Variants in PCDHA10 observed in about 807,000 individuals in gnomAD.
PCDHA10 encodes protocadherin alpha-10.
In PCDHA10, 45 loss-of-function variants were observed where a neutral mutation model predicts 61.2. That is an observed-to-expected ratio of 0.74 (90% confidence interval 0.58 to 0.94). The LOEUF is 0.94. Ranked by LOEUF, PCDHA10 falls within the 40% of genes least tolerant of loss-of-function variation. The pLI, the probability that PCDHA10 is intolerant of heterozygous loss-of-function variation, is 0.00. For synonymous variants in PCDHA10, 602 were observed against 548.8 expected (o/e 1.10, Z -1.35); for missense variants, 1,278 against 1,236.2 (o/e 1.03, Z -0.51).
At chr5:140,859,740 G>A (rs2045997689) in intron 1 of PCDHA10, 1 of 154,064 alleles carries the variant, frequency 6.5e-6, no homozygotes. Flanking sequence ...ATTTAAGCAT[G>A]GCATTCTTTC....
chr5:140,951,183 G>A (rs1554219780), intron 1 of PCDHA10, among the ~76,000 whole-genome samples: 3 of 151,518 alleles, frequency 2.0e-5, no homozygotes, highest in Admixed American at 6.6e-5. Flanking sequence ...GTCATTGTCC[G>A]CTAATTCCCA....
At chr5:140,919,358 T>C (rs2153553560) in intron 1 of PCDHA10, among the ~76,000 whole-genome samples, 1 of 152,356 alleles carries the variant, frequency 6.6e-6, no homozygotes, top group East Asian at 1.9e-4. Flanking sequence ...AATCTAAAAG[T>C]GTCTCCTGCA....
At position 140,856,146 on chromosome 5, in the gene PCDHA10, C is replaced by T; in HGVS notation, c.98C>T (p.Ser33Leu). ...GTGGGGAGCGGCCAGCTCCACTACT[C>T]AGTCTACGAGGAGGCCAGACACGGC... ...WEVGSGQLHY[S>L]VYEEARHGTF... Residue 33 changes from serine to leucine, a missense_variant, in exon 1 of 4, where the codon TCA becomes TTA. Ser to Leu is a moderately radical substitution (Grantham distance 145). Transcript: ENST00000307360. 1 of 1,598,308 alleles carries T rather than the reference C, an allele frequency of 6.3e-7. No homozygotes were observed. The highest frequency in any genetic ancestry group is 1.7e-4 in the Middle Eastern group (1 of 5,994).
chr5:140,966,022 T>G (rs2095958244), intron 1 of PCDHA10, among the ~76,000 whole-genome samples: 1 of 151,842 alleles, frequency 6.6e-6, no homozygotes, highest in South Asian at 2.1e-4. Flanking sequence ...GATGTGGGAG[T>G]CAGGTGAATA....
At chr5:140,875,518 C>T in intron 1 of PCDHA10, 1 of 1,614,008 alleles carries the variant, frequency 6.2e-7, no homozygotes, top group Non-Finnish European at 8.5e-7. Flanking sequence ...GCGTCTGCTG[C>T]TCTCGCTTCT....
chr5:140,991,172 G>T (rs2097436221), intron 3 of PCDHA10, among the ~76,000 whole-genome samples: 1 of 152,160 alleles, frequency 6.6e-6, no homozygotes, highest in Non-Finnish European at 1.5e-5. Flanking sequence ...CCATTGTCAA[G>T]CAGGATGCCT....
intron 1 of PCDHA10, among the ~76,000 whole-genome samples, chr5:140,897,888 G>C (rs1554187649): frequency 6.6e-6 from 1 of 152,150 alleles, no homozygotes; most frequent in Non-Finnish European, 1.5e-5. Flanking sequence ...ATTCTAACTG[G>C]TGTGAGATGG....
intron 1 of PCDHA10, chr5:140,866,593 A>T (rs527619239): frequency 4.0e-4 from 61 of 152,276 alleles, no homozygotes; most frequent in African/African-American, 1.4e-3. Context: ...ATGTAATTCT[A>T]ATCTGTTGGT....
intron 1 of PCDHA10, chr5:140,877,758 G>A (rs782480713): frequency 1.2e-6 from 2 of 1,614,190 alleles, no homozygotes; most frequent in Non-Finnish European, 1.7e-6. Flanking sequence ...GCTCTGCAGA[G>A]AGCCCGCCCA....
At chr5:140,877,503 G>T in intron 1 of PCDHA10, 1 of 1,613,834 alleles carries the variant, frequency 6.2e-7, no homozygotes. Flanking sequence ...AGGCCCCAAA[G>T]ACGTCGTCGC....
In PCDHA10 at chr5:141,009,709, C is replaced by A; in HGVS notation, c.2619C>A (p.Asn873Lys). The A allele has an allele frequency of 6.2e-7, 1 of 1,614,118 alleles. No homozygotes were observed. Among genetic ancestry groups the A allele is most frequent in the Non-Finnish European group, 8.5e-7 (1 of 1,180,024 alleles). Reference sequence around the variant, plus strand: ...GGACCTTTAAATACGGACCAGGCAACCCCAAACAATCCGGTCCCGGTGAGT... The same window carrying A: ...GGACCTTTAAATACGGACCAGGCAAACCCAAACAATCCGGTCCCGGTGAGT... ...NSWTFKYGPG[N>K]PKQSGPGELP... is the part of the protein sequence containing the mutation. The change falls in exon 4 of 4, where the codon AAC (asparagine) becomes AAA (lysine). Residue 873 changes from asparagine (N) to lysine (K), a missense_variant. Physicochemically the swap from Asn to Lys is moderately conservative, Grantham distance 94. Transcript: ENST00000307360.
chr5:140,862,658 G>A (rs547936781), intron 1 of PCDHA10: 19 of 545,608 alleles, frequency 3.5e-5, no homozygotes, highest in Admixed American at 1.9e-4. Flanking sequence ...GCGCGGGACC[G>A]GGACGCGCAG....
At chr5:140,968,684 G>A in intron 1 of PCDHA10, 1 of 1,614,140 alleles carries the variant, frequency 6.2e-7, no homozygotes, top group Non-Finnish European at 8.5e-7. Flanking sequence ...GCTGCACACA[G>A]GAGAAATTAG....
rs2044130273 is a variant in PCDHA10, at chr5:140,856,648, T to G, written c.600T>G (p.Asp200Glu). The change falls in exon 1 of 4, where the codon GAT (aspartate) becomes GAG (glutamate). Residue 200 changes from aspartate to glutamate, a missense_variant. Physicochemically the swap from Asp to Glu is conservative, Grantham distance 45. Coordinates refer to ENST00000307360, the MANE Select transcript of PCDHA10 (RefSeq NM_018901.4). Reference sequence around the variant, plus strand: ...TGCTTGTTCTGCGGAAGCTGCTGGATCGTGAAGAAAATCCTCAGCTAAAGT... The same window carrying G: ...TGCTTGTTCTGCGGAAGCTGCTGGAGCGTGAAGAAAATCCTCAGCTAAAGT... ...FPVLVLRKLL[D>E]REENPQLKLL... The G allele has an allele frequency of 6.3e-7, 1 of 1,598,174 alleles. No individual in the cohort carries two copies. Among genetic ancestry groups the G allele is most frequent in the African/African-American group, 1.3e-5 (1 of 74,318 alleles).
intron 1 of PCDHA10, among the ~76,000 whole-genome samples, chr5:140,965,140 TG>T (rs1191631396): frequency 2.0e-5 from 3 of 152,150 alleles, no homozygotes; most frequent in Non-Finnish European, 4.4e-5. Flanking sequence ...GACAGAATAC[TG>T]GGAGATGAAG....
chr5:140,869,508 C>G, intron 1 of PCDHA10: 1 of 1,614,196 alleles, frequency 6.2e-7, no homozygotes. Context: ...TGTTCTCGCT[C>G]AGAGAACAAA....
chr5:140,877,807 T>C, intron 1 of PCDHA10: 1 of 1,611,556 alleles, frequency 6.2e-7, no homozygotes, highest in Non-Finnish European at 8.5e-7. Context: ...CCTTCAGCTG[T>C]CTCGAGAAGA....
chr5:140,900,080 A>G (rs62384484), intron 1 of PCDHA10, among the ~76,000 whole-genome samples: 49,691 of 152,040 alleles, frequency 0.33, 8,391 homozygotes, highest in East Asian at 0.53. Flanking sequence ...AAAGTGCTGC[A>G]GTTACAAGCA....
At chr5:140,938,876 A>AAC (rs142461507) in intron 1 of PCDHA10, among the ~76,000 whole-genome samples, 11 of 151,144 alleles carry the variant, frequency 7.3e-5, no homozygotes, top group South Asian at 2.1e-4. Context: ...GTTAAGAAGC[A>AAC]ACACACACAC....
Sources: gnomAD v4.1 joint callset for allele counts (sites outside exome capture counted in the v4.1 genomes callset) on GRCh38, gnomAD v4.1.1 for gene constraint, MANE v1.5 for transcripts, NCBI Gene and HGNC (gene_info 2026-07-23, HGNC 2026-07-21) for gene names.